Variants in HELZ observed in about 807,000 individuals in gnomAD.
The protein encoded by HELZ is ATP-dependent RNA helicase with zinc finger domain.
Under a neutral mutation model 218.2 loss-of-function variants are expected in HELZ, and 23 were observed. The ratio of observed to expected loss-of-function variants is 0.11; its 90% CI spans 0.08 to 0.15. The LOEUF (loss-of-function observed/expected upper bound fraction) is 0.15. HELZ is among the 10% of genes least tolerant of loss of function. The probability of loss-of-function intolerance (pLI) is 1.00; values close to 1 mark genes in which losing one functional copy is unlikely to be tolerated. For missense variants in HELZ, 1,813 were observed against 2,353.7 expected (o/e 0.77, Z 4.75); for synonymous variants, 814 against 829.4 (o/e 0.98, Z 0.32).
chr17:67,202,521 A>G (rs1295664777), intron 6 of HELZ, among the ~76,000 whole-genome samples: 2 of 152,218 alleles, frequency 1.3e-5, no homozygotes, highest in Admixed American at 6.5e-5. Context: ...ATCAAATGCT[A>G]TATTTACAAA....
At chr17:67,089,668 T>TAGAGAGAGAGAGAGAG (rs1555595394) in intron 31 of HELZ, among the ~76,000 whole-genome samples, 5 of 70,636 alleles carry the variant, frequency 7.1e-5, no homozygotes, top group East Asian at 1.0e-3. Flanking sequence ...TATATATATA[T>TAGAGAGAGAGAGAGAG]AGAGAGAGAG....
At chr17:67,112,454 T>C (rs1419278084) in intron 28 of HELZ, among the ~76,000 whole-genome samples, 3 of 152,182 alleles carry the variant, frequency 2.0e-5, no homozygotes, top group Non-Finnish European at 2.9e-5. Flanking sequence ...ACTCGTTCTC[T>C]CTCTGCACCA....
chr17:67,084,268 C>T (rs1306833320), intron 32 of HELZ, among the ~76,000 whole-genome samples: 3 of 152,186 alleles, frequency 2.0e-5, no homozygotes, highest in Admixed American at 2.0e-4. Context: ...AGAAAAGATA[C>T]CACAAATGAC....
At chr17:67,159,572 A>G (rs568771808) in intron 17 of HELZ, among the ~76,000 whole-genome samples, 3 of 152,336 alleles carry the variant, frequency 2.0e-5, no homozygotes, top group African/African-American at 7.2e-5. Context: ...ACATTAATTC[A>G]TATAACAATG....
At position 67,190,418 on chromosome 17, in the gene HELZ, C is replaced by T. The variant is rs562761215; in HGVS notation, c.558-63G>A. 166 of 1,236,356 alleles carry T rather than the reference C, an allele frequency of 1.3e-4. 1 individual carries two copies. The South Asian group carries it at 1.9e-3, about 14-fold the overall frequency. 76.6% of individuals were successfully genotyped at this position (1,236,356 alleles called of 1,614,324 possible). On this transcript the variant is annotated intron_variant, in intron 9 of 32. Transcript: ENST00000358691. Reference sequence around the variant, plus strand: ...TGTTGAACCATTTAAAAATAAACTCCCAGCATTTGCCCTCTGATTCTTCAA... The same window carrying T: ...TGTTGAACCATTTAAAAATAAACTCTCAGCATTTGCCCTCTGATTCTTCAA...
At chr17:67,189,818 T>C (rs1194570177) in intron 10 of HELZ, 122 bp from the exon 11 acceptor site, 2 of 654,870 alleles carry the variant, frequency 3.1e-6, no homozygotes, top group Non-Finnish European at 5.4e-6. Context: ...GACCAAAGTA[T>C]TTTATACCTT....
intron 21 of HELZ, among the ~76,000 whole-genome samples, chr17:67,142,581 C>T (rs118138526): frequency 0.031 from 4,724 of 152,014 alleles, 108 homozygotes; most frequent in Non-Finnish European, 0.051. Flanking sequence ...AATATGCTGT[C>T]TATAGAATAT....
chr17:67,102,597 A>G (rs2036963189), intron 31 of HELZ, among the ~76,000 whole-genome samples: 1 of 152,208 alleles, frequency 6.6e-6, no homozygotes, highest in Admixed American at 6.5e-5. Flanking sequence ...TGTTAACGTT[A>G]AAGAAATTAT....
chr17:67,237,711 C>T (rs759568139), intron 3 of HELZ, among the ~76,000 whole-genome samples: 7 of 151,950 alleles, frequency 4.6e-5, no homozygotes, highest in South Asian at 2.1e-4. Context: ...GAAGCTAGCC[C>T]GGCACAGTGG....
intron 3 of HELZ, among the ~76,000 whole-genome samples, chr17:67,235,849 C>G (rs1328716902): frequency 6.6e-6 from 1 of 150,698 alleles, no homozygotes; most frequent in Non-Finnish European, 1.5e-5. Flanking sequence ...CAAGCTCCAC[C>G]TCCCGGGTTC....
chr17:67,093,203 A>G (rs966379856), intron 31 of HELZ, among the ~76,000 whole-genome samples: 2 of 152,218 alleles, frequency 1.3e-5, no homozygotes, highest in Non-Finnish European at 2.9e-5. Flanking sequence ...TGTTATGAAA[A>G]AGGAAAAAGC....
intron 15 of HELZ, among the ~76,000 whole-genome samples, chr17:67,165,284 G>A (rs1374956852): frequency 2.0e-5 from 3 of 152,190 alleles, no homozygotes; most frequent in Admixed American, 1.3e-4. Context: ...GTGTTGTAAC[G>A]CATATTTCGT....
At chr17:67,186,786 TAC>T (rs2039767278) in intron 12 of HELZ, among the ~76,000 whole-genome samples, 2 of 152,180 alleles carry the variant, frequency 1.3e-5, no homozygotes. Flanking sequence ...GAACATCCTT[TAC>T]AGTTATATTT....
intron 12 of HELZ, among the ~76,000 whole-genome samples, chr17:67,185,663 CTGTT>C (rs1363296055): frequency 6.6e-6 from 1 of 152,174 alleles, no homozygotes; most frequent in Non-Finnish European, 1.5e-5. Flanking sequence ...AGATTTCATA[CTGTT>C]TGTTATTTCT....
intron 26 of HELZ, 115 bp downstream of exon 26, chr17:67,122,855 G>A: frequency 1.5e-6 from 1 of 668,408 alleles, no homozygotes; most frequent in Non-Finnish European, 2.5e-6. Flanking sequence ...AAGATTATCA[G>A]CACTGAAAAT....
At chr17:67,133,108 A>G (rs950764152) in intron 23 of HELZ, among the ~76,000 whole-genome samples, 1 of 152,232 alleles carries the variant, frequency 6.6e-6, no homozygotes, top group Non-Finnish European at 1.5e-5. Context: ...GTACAAATAA[A>G]GCAGACAATC....
intron 5 of HELZ, 171 bp downstream of exon 5, chr17:67,215,728 T>C (rs2040582692): frequency 3.1e-6 from 2 of 640,974 alleles, no homozygotes; most frequent in Admixed American, 2.8e-5. Flanking sequence ...AAGAGCAATG[T>C]TCACAGGTAT....
In HELZ at chr17:67,125,343, T is replaced by TATATATATATAC. The variant is rs1555605956; in HGVS notation, c.3388-1330_3388-1329insGTATATATATAT. Among the ~76,000 whole-genome samples, 5 of 61,394 alleles carry TATATATATATAC rather than the reference T, an allele frequency of 8.1e-5. 1 individual carries two copies. Among genetic ancestry groups the TATATATATATAC allele is most frequent in the African/African-American group, 1.4e-4 (2 of 14,428 alleles). 40.3% of individuals were successfully genotyped at this position (61,394 alleles called of 152,430 possible). Reference sequence around the variant, plus strand: ...ATATATATATATATATATATATATATATACTTGTGAGGAATAGAGACGTGA... The same window carrying TATATATATATAC: ...ATATATATATATATATATATATATATATATATATATACATACTTGTGAGGAATAGAGACGTGA... On this transcript the variant is annotated intron_variant, in intron 24 of 32. Coordinates refer to ENST00000358691, the MANE Select transcript of HELZ (RefSeq NM_014877.4).
intron 3 of HELZ, among the ~76,000 whole-genome samples, chr17:67,226,610 C>T (rs1163293613): frequency 6.6e-6 from 1 of 152,176 alleles, no homozygotes; most frequent in Non-Finnish European, 1.5e-5. Context: ...CAAATACACA[C>T]ACTACACTAT....
Sources: allele counts gnomAD v4.1 joint callset (sites outside exome capture counted in the v4.1 genomes callset), GRCh38; gene constraint gnomAD v4.1.1; transcripts MANE v1.5; gene names NCBI Gene and HGNC (gene_info 2026-07-23, HGNC 2026-07-21).